The following NTAQ1 variants were observed in gnomAD, a reference collection of about 807,000 sequenced individuals.
NTAQ1 encodes the protein protein N-terminal glutamine amidohydrolase.
Under a neutral mutation model 28.2 loss-of-function variants are expected in NTAQ1, and 21 were observed. That is an observed-to-expected ratio of 0.74 (90% CI 0.53 to 1.07). NTAQ1 has a LOEUF of 1.07. Ranked by LOEUF, NTAQ1 falls within the 50% of genes least tolerant of loss-of-function variation. The pLI, the probability that NTAQ1 is intolerant of heterozygous loss-of-function variation, is 0.00. For missense variants in NTAQ1, 264 were observed against 256.6 expected (o/e 1.03, Z -0.20); for synonymous variants, 105 against 90.0 (o/e 1.17, Z -0.94).
intron 1 of NTAQ1, among the ~76,000 whole-genome samples, chr8:123,421,849 C>CG (rs35724999): frequency 0.37 from 54,340 of 148,582 alleles, 9,868 homozygotes; most frequent in East Asian, 0.56. Context: ...CCACCACACC[C>CG]GGCTAATTTT....
downstream of NTAQ1, among the ~76,000 whole-genome samples, chr8:123,471,098 A>AT (rs112937322): frequency 5.2e-4 from 75 of 144,104 alleles, no homozygotes; most frequent in South Asian, 3.1e-3. Context: ...TTAAAAAAAG[A>AT]TTTTTTTTTT....
chr8:123,440,177 A>C (rs1814971281), intron 5 of NTAQ1, among the ~76,000 whole-genome samples: 1 of 48,280 alleles, frequency 2.1e-5, no homozygotes, highest in Non-Finnish European at 4.0e-5. Context: ...TTTTTTTGAG[A>C]CGGAGTCTTG....
intron 6 of NTAQ1, among the ~76,000 whole-genome samples, chr8:123,460,336 A>G (rs1815786085): frequency 6.6e-6 from 1 of 152,232 alleles, no homozygotes; most frequent in African/African-American, 2.4e-5. Context: ...GGAGTGGGCA[A>G]CTTGCCCAAA....
chr8:123,431,560 G>A (rs903309594), intron 3 of NTAQ1, among the ~76,000 whole-genome samples: 4 of 152,186 alleles, frequency 2.6e-5, no homozygotes, highest in African/African-American at 7.2e-5. Context: ...TCACAGAGCT[G>A]ACGTTCTCAG....
intron 6 of NTAQ1, among the ~76,000 whole-genome samples, chr8:123,458,841 C>A (rs944877573): frequency 6.6e-6 from 1 of 151,936 alleles, no homozygotes; most frequent in Non-Finnish European, 1.5e-5. Flanking sequence ...AGGATGGTCT[C>A]GATCTCCTGA....
chr8:123,423,435 TTTTC>T (rs150407805), intron 1 of NTAQ1, among the ~76,000 whole-genome samples: 43 of 127,996 alleles, frequency 3.4e-4, no homozygotes, highest in Admixed American at 6.2e-4. Flanking sequence ...CTGTTTCTCT[TTTTC>T]TTTCTTTCTT....
chr8:123,449,842 G>T (rs925181015), downstream of NTAQ1, among the ~76,000 whole-genome samples: 4 of 142,130 alleles, frequency 2.8e-5, no homozygotes, highest in Non-Finnish European at 4.5e-5. Context: ...GACAGAGTGA[G>T]ACTCTGGCTC....
rs773435871 is a variant in NTAQ1, at chr8:123,428,065, G to A, written c.183+42G>A. On this transcript the variant is annotated intron_variant, in intron 2 of 5. Transcript: ENST00000287387. ...TTGCAGAAAGAAAACAAGAGATTTA[G>A]GATGACATTAGAAGCTAAATTAAAA... 6 of 1,414,418 alleles carry A rather than the reference G, an allele frequency of 4.2e-6. No homozygotes were observed. The African/African-American group carries it at 6.2e-5, about 15-fold the overall frequency. The allele number at this position is 1,414,418 out of a possible 1,614,324, so 87.6% of individuals were successfully genotyped here.
intron 3 of NTAQ1, among the ~76,000 whole-genome samples, chr8:123,433,097 ACAAT>A (rs1174756668): frequency 1.3e-5 from 2 of 152,214 alleles, no homozygotes; most frequent in Admixed American, 6.5e-5. Flanking sequence ...CACTCCTAGC[ACAAT>A]CAGTCTTTTC....
At chr8:123,437,397 C>T in intron 5 of NTAQ1, 63 bp downstream of exon 5, 1 of 1,588,320 alleles carries the variant, frequency 6.3e-7, no homozygotes, top group Non-Finnish European at 8.6e-7. Flanking sequence ...AGCATTTTTC[C>T]TTAACGGAGG....
At chr8:123,445,739 G>A (rs1260889784), downstream of NTAQ1, among the ~76,000 whole-genome samples, 1 of 152,054 alleles carries the variant, frequency 6.6e-6, no homozygotes, top group Admixed American at 6.6e-5. Context: ...CGCATTAGCT[G>A]GGATTACAGG....
intron 1 of NTAQ1, among the ~76,000 whole-genome samples, chr8:123,418,586 G>C (rs981393071): frequency 6.6e-6 from 1 of 152,174 alleles, no homozygotes; most frequent in African/African-American, 2.4e-5. Context: ...TTGATAAGGT[G>C]ATATTTGAAA....
chr8:123,435,372 A>C, intron 3 of NTAQ1: 1 of 693,128 alleles, frequency 1.4e-6, no homozygotes, highest in Non-Finnish European at 1.8e-6. Flanking sequence ...TTTAAAAAAT[A>C]GTTTTTCCTT....
At chr8:123,444,206 T>G (rs1363236259), downstream of NTAQ1, among the ~76,000 whole-genome samples, 1 of 152,198 alleles carries the variant, frequency 6.6e-6, no homozygotes, top group South Asian at 2.1e-4. Context: ...GTTTGTTTGC[T>G]TCTTTTTGTT....
intron 1 of NTAQ1, among the ~76,000 whole-genome samples, chr8:123,427,038 TC>T (rs1359237857): frequency 6.6e-6 from 1 of 152,022 alleles, no homozygotes; most frequent in African/African-American, 2.4e-5. Context: ...TCACAGGGAT[TC>T]CCCCAAATGA....
intron 3 of NTAQ1, among the ~76,000 whole-genome samples, chr8:123,430,610 T>G (rs1814337348): frequency 6.6e-6 from 1 of 152,186 alleles, no homozygotes; most frequent in African/African-American, 2.4e-5. Context: ...AAACTCCGTC[T>G]CTACTAAAAA....
chr8:123,418,447 CAAAAAA>C (rs11447317), intron 1 of NTAQ1, among the ~76,000 whole-genome samples: 3 of 126,716 alleles, frequency 2.4e-5, no homozygotes, highest in Admixed American at 8.7e-5. Flanking sequence ...GACTCCATCT[CAAAAAA>C]AAAAAAAAAA....
intron 6 of NTAQ1, among the ~76,000 whole-genome samples, chr8:123,465,490 A>G (rs1352238377): frequency 6.7e-6 from 1 of 149,074 alleles, no homozygotes; most frequent in East Asian, 2.0e-4. Context: ...TATCACCAGA[A>G]TTTTGTCATT....
chr8:123,444,223 GC>G (rs1360968120), downstream of NTAQ1, among the ~76,000 whole-genome samples: 2 of 152,080 alleles, frequency 1.3e-5, no homozygotes, highest in Non-Finnish European at 2.9e-5. Context: ...TGTTTGAGAT[GC>G]CGTCTTGCTC....
Sources: gnomAD v4.1 joint callset for allele counts (sites outside exome capture counted in the v4.1 genomes callset) on GRCh38, gnomAD v4.1.1 for gene constraint, MANE v1.5 for transcripts, NCBI Gene and HGNC (gene_info 2026-07-23, HGNC 2026-07-21) for gene names.